EPHA6: variants seen among roughly 807,000 people sequenced by gnomAD.
EPHA6 encodes the protein ephrin type-A receptor 6.
A neutral mutation model predicts 112.0 loss-of-function variants in EPHA6; 50 were observed. That is an observed-to-expected ratio of 0.45 (90% CI 0.36 to 0.56). EPHA6 has a LOEUF of 0.56. Ranked by LOEUF, EPHA6 falls within the 20% of genes least tolerant of loss-of-function variation. The pLI, the probability that EPHA6 is intolerant of heterozygous loss-of-function variation, is 0.00. For synonymous variants in EPHA6, 529 were observed against 490.7 expected, an observed-to-expected ratio of 1.08 and a Z score of -1.03; for missense variants, 1,280 against 1,417.4, an observed-to-expected ratio of 0.90 and a Z score of 1.56.
chr3:96,917,065 A>G (rs549171256), intron 2 of EPHA6, among the ~76,000 whole-genome samples: 5 of 152,054 alleles, frequency 3.3e-5, no homozygotes. Context: ...CGTATCTTCT[A>G]ACAGTTTTTT....
chr3:97,717,555 A>G (rs1328974320), intron 14 of EPHA6, among the ~76,000 whole-genome samples: 3 of 152,174 alleles, frequency 2.0e-5, no homozygotes, highest in African/African-American at 7.2e-5. Flanking sequence ...CTGTGCCTGC[A>G]TGCCTCTGAT....
chr3:97,051,052 C>T (rs2045669325), intron 3 of EPHA6, among the ~76,000 whole-genome samples: 1 of 152,138 alleles, frequency 6.6e-6, no homozygotes, highest in African/African-American at 2.4e-5. Flanking sequence ...ACCCAGGAAA[C>T]ATGTCCAATG....
At chr3:96,832,413 T>C (rs545740486) in intron 1 of EPHA6, among the ~76,000 whole-genome samples, 1 of 152,164 alleles carries the variant, frequency 6.6e-6, no homozygotes, top group Non-Finnish European at 1.5e-5. Flanking sequence ...CCAAGTGTAA[T>C]TTGTAACATC....
intron 14 of EPHA6, 47 bp downstream of exon 14, chr3:97,638,129 T>C (rs1284081085): frequency 7.2e-7 from 1 of 1,385,996 alleles, no homozygotes; most frequent in Non-Finnish European, 1.0e-6. Flanking sequence ...ACTTTTATTG[T>C]TTTTAATGTC....
At chr3:97,015,121 C>T (rs1559669967) in intron 3 of EPHA6, among the ~76,000 whole-genome samples, 1 of 152,038 alleles carries the variant, frequency 6.6e-6, no homozygotes. Flanking sequence ...AATTTAACTC[C>T]CTTGTCATAG....
At chr3:96,995,392 A>C (rs1395106228) in intron 3 of EPHA6, among the ~76,000 whole-genome samples, 1 of 152,156 alleles carries the variant, frequency 6.6e-6, no homozygotes, top group Non-Finnish European at 1.5e-5. Context: ...GTTCTCACAC[A>C]CTGAATATAA....
intron 5 of EPHA6, among the ~76,000 whole-genome samples, chr3:97,288,292 A>G (rs1418679828): frequency 6.6e-6 from 1 of 152,120 alleles, no homozygotes; most frequent in Non-Finnish European, 1.5e-5. Flanking sequence ...TATGTCCATA[A>G]GTATTCAACT....
chr3:97,462,683 T>C (rs1237259672), intron 7 of EPHA6, among the ~76,000 whole-genome samples: 1 of 152,192 alleles, frequency 6.6e-6, no homozygotes, highest in African/African-American at 2.4e-5. Context: ...CAGAATATCT[T>C]GCTTGAAGAA....
At chr3:97,210,160 C>A (rs2077828966) in intron 3 of EPHA6, among the ~76,000 whole-genome samples, 1 of 152,008 alleles carries the variant, frequency 6.6e-6, no homozygotes, top group East Asian at 1.9e-4. Flanking sequence ...TTAGTTCGTT[C>A]TTACACTGTT....
At chr3:97,743,329 G>A (rs375914352) in intron 16 of EPHA6, among the ~76,000 whole-genome samples, 105 of 152,096 alleles carry the variant, frequency 6.9e-4, no homozygotes, top group African/African-American at 2.3e-3. Flanking sequence ...AGCATTATGT[G>A]AGTGCCTACA....
chr3:97,268,185 A>T (rs2079755332), intron 5 of EPHA6, among the ~76,000 whole-genome samples: 1 of 152,192 alleles, frequency 6.6e-6, no homozygotes, highest in Admixed American at 6.5e-5. Context: ...CTGCAATACC[A>T]GTTCTTCTGT....
rs2036101931 is a variant in EPHA6 at position 97,759,376 on chromosome 3, C to T, written c.*10675C>T. 1 of 224,662 alleles carries T rather than the reference C, an allele frequency of 4.5e-6. No individual in the cohort carries two copies. Among genetic ancestry groups the T allele is most frequent in the African/African-American group, 2.2e-5 (1 of 44,870 alleles). The allele number at this position is 224,662 out of a possible 1,614,324, so 13.9% of individuals were successfully genotyped here. Reference sequence around the variant, plus strand: ...AATCACTATCTATAAACAACTCTCTCAAAAAGCTTTGATGTAAAGGGAGCA... The same window carrying T: ...AATCACTATCTATAAACAACTCTCTTAAAAAGCTTTGATGTAAAGGGAGCA... On this transcript the variant is annotated 3_prime_UTR_variant, in exon 18 of 18. Coordinates refer to ENST00000389672, the MANE Select transcript of EPHA6 (RefSeq NM_001080448.3).
At chr3:97,230,819 A>G in intron 4 of EPHA6, among the ~76,000 whole-genome samples, 1 of 152,146 alleles carries the variant, frequency 6.6e-6, no homozygotes. Context: ...ATGGGGAGGT[A>G]AAATCACAGT....
intron 2 of EPHA6, among the ~76,000 whole-genome samples, chr3:96,969,365 A>G (rs1452512403): frequency 6.6e-6 from 1 of 151,936 alleles, no homozygotes; most frequent in Non-Finnish European, 1.5e-5. Context: ...ATTTGAAGCC[A>G]TTGGAATGGC....
chr3:97,162,169 G>C (rs941530168), intron 3 of EPHA6, among the ~76,000 whole-genome samples: 2 of 152,176 alleles, frequency 1.3e-5, no homozygotes, highest in African/African-American at 4.8e-5. Context: ...GTTGGTTGCA[G>C]ATGTGGTTGG....
At chr3:96,921,288 A>T (rs1476980072) in intron 2 of EPHA6, among the ~76,000 whole-genome samples, 4 of 152,144 alleles carry the variant, frequency 2.6e-5, no homozygotes, top group Admixed American at 6.5e-5. Flanking sequence ...TATTAGCTAC[A>T]TAAATCCTTT....
chr3:97,152,849 T>C (rs557874164), intron 3 of EPHA6, among the ~76,000 whole-genome samples: 1 of 152,234 alleles, frequency 6.6e-6, no homozygotes, highest in Non-Finnish European at 1.5e-5. Flanking sequence ...ATTAAAGCCA[T>C]CCCTGAGCAG....
At chr3:97,147,312 C>CAAG (rs1350347952) in intron 3 of EPHA6, among the ~76,000 whole-genome samples, 1 of 152,054 alleles carries the variant, frequency 6.6e-6, no homozygotes, top group African/African-American at 2.4e-5. Context: ...GCCTTATGGT[C>CAAG]AAGACATGTC....
At chr3:97,219,626 C>T (rs1263307486) in intron 3 of EPHA6, among the ~76,000 whole-genome samples, 1 of 152,126 alleles carries the variant, frequency 6.6e-6, no homozygotes, top group Non-Finnish European at 1.5e-5. Flanking sequence ...GGGCCCTGGG[C>T]CCAGCCCACG....
Sources: allele counts gnomAD v4.1 joint callset (sites outside exome capture counted in the v4.1 genomes callset), GRCh38; gene constraint gnomAD v4.1.1; transcripts MANE v1.5; gene names NCBI Gene and HGNC (gene_info 2026-07-23, HGNC 2026-07-21).